NSL1: variants seen among roughly 807,000 people sequenced by gnomAD.
The protein encoded by NSL1 is kinetochore-associated protein NSL1 homolog.
In NSL1, 11 loss-of-function variants were observed where a neutral mutation model predicts 25.4. That is an observed-to-expected ratio of 0.43 (90% CI 0.27 to 0.72). The LOEUF (loss-of-function observed/expected upper bound fraction) is 0.72, where lower values mean the gene tolerates loss of function less well. Ranked by LOEUF, NSL1 falls within the 30% of genes least tolerant of loss-of-function variation. NSL1 has a pLI of 0.19. For synonymous variants in NSL1, 118 were observed against 120.6 expected, an observed-to-expected ratio of 0.98 and a Z score of 0.14; for missense variants, 330 against 342.7, an observed-to-expected ratio of 0.96 and a Z score of 0.29.
chr1:212,774,236 GAGA>G (rs1365851312), intron 4 of NSL1, among the ~76,000 whole-genome samples: 1 of 152,122 alleles, frequency 6.6e-6, no homozygotes, highest in African/African-American at 2.4e-5. Context: ...ATAGCTAGAA[GAGA>G]AGATCTGAAA....
chr1:212,731,243 T>C lies in NSL1; in HGVS notation c.*7165A>G, dbSNP rs1658003889. On this transcript the variant is annotated 3_prime_UTR_variant, in exon 6 of 6. Transcript: ENST00000366977. ...AGAATTATCAGCCAAAAACAGAGAA[T>C]AGTAAGTCTTATCTGAAATATACTG... 3 of 984,086 alleles carry C rather than the reference T, an allele frequency of 3.0e-6. No homozygotes were observed. Among genetic ancestry groups the C allele is most frequent in the South Asian group, 9.4e-5 (2 of 21,238 alleles). The allele number at this position is 984,086 out of a possible 1,614,324, so 61.0% of individuals were successfully genotyped here.
In NSL1 at chr1:212,737,947, A is replaced by C. The variant is rs925714785; in HGVS notation, c.*461T>G. The C allele has an allele frequency of 1.3e-5, 13 of 985,622 alleles. No homozygotes were observed. Among genetic ancestry groups the C allele is most frequent in the African/African-American group, 1.0e-4 (6 of 57,224 alleles). The allele number at this position is 985,622 out of a possible 1,614,324, so 61.1% of individuals were successfully genotyped here. A position where few individuals can be genotyped will look rare whatever the true frequency, so the allele number is the denominator to read the frequency against. ...AATCAAACTACATCTTTAAAAAAAAACCCTGCATCTGCTGCTGTGCAGAAC... is the reference window on the plus strand; with the variant it reads ...AATCAAACTACATCTTTAAAAAAAACCCCTGCATCTGCTGCTGTGCAGAAC... On this transcript the variant is annotated 3_prime_UTR_variant, in exon 6 of 6. Transcript: ENST00000366977.
In NSL1 at chr1:212,734,548, A is replaced by G. The variant is rs9659128; in HGVS notation, c.*3860T>C. On this transcript the variant is annotated 3_prime_UTR_variant, in exon 6 of 6. Coordinates refer to ENST00000366977, the MANE Select transcript of NSL1 (RefSeq NM_015471.4). ...ATGTTTCCCGTGCCATTCCCAGTTAATATCTCCCCTCTCCCCAGAGGGAAC... is the reference window on the plus strand; with the variant it reads ...ATGTTTCCCGTGCCATTCCCAGTTAGTATCTCCCCTCTCCCCAGAGGGAAC... 0.015 allele frequency among the ~76,000 whole-genome samples: 2,264 copies of G among 152,224 alleles called. 59 individuals are homozygous for G. The highest frequency in any genetic ancestry group is 0.052 in the African/African-American group (2,171 of 41,516).
At chr1:212,767,668 G>A (rs2102377855) in intron 4 of NSL1, among the ~76,000 whole-genome samples, 1 of 152,220 alleles carries the variant, frequency 6.6e-6, no homozygotes, top group East Asian at 1.9e-4. Flanking sequence ...CACAAATTAT[G>A]TATCTGACAA....
At chr1:212,791,435 C>G in intron 1 of NSL1, 95 bp downstream of exon 1, 1 of 1,178,002 alleles carries the variant, frequency 8.5e-7, no homozygotes. Context: ...ACCGTTAATT[C>G]TGCCAAGGCC....
intron 1 of NSL1, among the ~76,000 whole-genome samples, chr1:212,790,629 T>C (rs1328696165): frequency 6.6e-6 from 1 of 151,798 alleles, no homozygotes; most frequent in African/African-American, 2.4e-5. Context: ...ACAGTAAAAA[T>C]AAAGGTTAAT....
At position 212,791,584 on chromosome 1, in the gene NSL1, G is replaced by A. The variant is rs1242067814; in HGVS notation, c.180C>T (p.Leu60=). 1.2e-6 allele frequency: 2 copies of A among 1,613,720 alleles called. No homozygotes were observed. The highest frequency in any genetic ancestry group is 1.3e-5 in the African/African-American group (1 of 74,914). ...GAATCTCCTCCGGCAGAGCGTCCCCGAGCTTTTGCACGAAGCGGCCGCACA... is the reference window on the plus strand; with the variant it reads ...GAATCTCCTCCGGCAGAGCGTCCCCAAGCTTTTGCACGAAGCGGCCGCACA... ...LQLCGRFVQK[L]GDALPEEIRE... The change falls in exon 1 of 6, where the codon CTC becomes CTT. Residue 60 remains leucine (L), a synonymous_variant. Transcript: ENST00000366977.
chr1:212,774,058 G>A (rs994250185), intron 4 of NSL1, among the ~76,000 whole-genome samples: 13 of 152,226 alleles, frequency 8.5e-5, no homozygotes, highest in Admixed American at 5.9e-4. Context: ...TGTGCGGAGC[G>A]GGGAAGGGAG....
intron 4 of NSL1, among the ~76,000 whole-genome samples, chr1:212,745,028 C>G (rs1658694946): frequency 1.3e-5 from 2 of 151,890 alleles, no homozygotes; most frequent in Non-Finnish European, 2.9e-5. Context: ...CCCACCTACT[C>G]TGGAGGCTGA....
intron 4 of NSL1, among the ~76,000 whole-genome samples, chr1:212,762,085 G>A (rs142515974): frequency 4.3e-3 from 658 of 151,934 alleles, no homozygotes; most frequent in Middle Eastern, 0.017. Flanking sequence ...ATCACCTGAG[G>A]TCAGGAGTTT....
intron 4 of NSL1, among the ~76,000 whole-genome samples, chr1:212,759,937 C>T (rs78894972): frequency 0.078 from 11,893 of 152,200 alleles, 513 homozygotes; most frequent in African/African-American, 0.12. Flanking sequence ...AAGGCTACTG[C>T]GCACTGGCAT....
intron 4 of NSL1, among the ~76,000 whole-genome samples, chr1:212,779,026 A>G (rs1660531656): frequency 7.2e-6 from 1 of 139,658 alleles, no homozygotes; most frequent in South Asian, 2.3e-4. Flanking sequence ...ATCGTCTGAG[A>G]TGTGGGGAGC....
In NSL1 at chr1:212,739,585, A is replaced by C; in HGVS notation, c.516T>G (p.Asn172Lys). 1 of 1,613,434 alleles carries C rather than the reference A, an allele frequency of 6.2e-7. No individual in the cohort carries two copies. The highest frequency in any genetic ancestry group is 8.5e-7 in the Non-Finnish European group (1 of 1,179,658). Residue 172 changes from asparagine to lysine, a missense_variant, in exon 5 of 6, where the codon AAT becomes AAG. Asn to Lys is a moderately conservative substitution (Grantham distance 94). Transcript: ENST00000366977. ...CTACTGTTTCCCCTCTGCATTTCAA[A>C]TTTTCCATATGAGGGGCTGCAAAAA... ...YDPDPAPHME[N>K]LKCRGETVAK...
rs1395764165 is a variant in NSL1, at chr1:212,734,480, G to A, written c.*3928C>T. On this transcript the variant is annotated 3_prime_UTR_variant, in exon 6 of 6. Transcript: ENST00000366977. ...TTTACATACATATACAGCCATGTGA[G>A]CACCACTCAGATCAAGATACAGAAC... Among the ~76,000 whole-genome samples the A allele has an allele frequency of 6.6e-6, 1 of 152,136 alleles. No homozygotes were observed. The highest frequency in any genetic ancestry group is 1.5e-5 in the Non-Finnish European group (1 of 68,034).
At chr1:212,766,272 A>G in intron 4 of NSL1, 1 of 625,090 alleles carries the variant, frequency 1.6e-6, no homozygotes, top group Non-Finnish European at 2.9e-6. Context: ...TCCCGTTGAG[A>G]ACTGGAACAA....
In NSL1 at chr1:212,727,196, G is replaced by A. The variant is rs576804713; in HGVS notation, c.*11212C>T. On this transcript the variant is annotated 3_prime_UTR_variant, in exon 6 of 6. Coordinates refer to ENST00000366977, the MANE Select transcript of NSL1 (RefSeq NM_015471.4). The stretch of plus-strand genomic sequence containing the variant: ...GCTTGGCTCCTAATGTGTTAAATGG[G>A]GGTGAATGGAATTTAGAAGATCTCT... 54 of 1,535,784 alleles carry A rather than the reference G, an allele frequency of 3.5e-5. No individual in the cohort carries two copies. In the Middle Eastern group the frequency reaches 6.9e-4, roughly 20 times the overall value.
At position 212,737,654 on chromosome 1, in the gene NSL1, T is replaced by C; in HGVS notation, c.*754A>G. On this transcript the variant is annotated 3_prime_UTR_variant, in exon 6 of 6. Coordinates refer to ENST00000366977, the MANE Select transcript of NSL1 (RefSeq NM_015471.4). ...ATCTGATATATATTTTGAACTGGAA[T>C]GATTTGTAAAGAAATAAATAAGAAA... 1.1e-6 allele frequency: 1 copy of C among 951,756 alleles called. No homozygotes were observed. The highest frequency in any genetic ancestry group is 1.2e-4 in the East Asian group (1 of 8,680). The allele number at this position is 951,756 out of a possible 1,614,324, so 59.0% of individuals were successfully genotyped here. A position where few individuals can be genotyped will look rare whatever the true frequency, so the allele number is the denominator to read the frequency against.
intron 4 of NSL1, among the ~76,000 whole-genome samples, chr1:212,781,589 G>A (rs192739556): frequency 6.6e-6 from 1 of 152,182 alleles, no homozygotes; most frequent in Admixed American, 6.5e-5. Context: ...GGAAGGTGGA[G>A]GAACATATTA....
In NSL1 at chr1:212,791,596, G is replaced by A. The variant is rs776037762; in HGVS notation, c.168C>T (p.Phe56=). 30 of 1,613,872 alleles carry A rather than the reference G, an allele frequency of 1.9e-5. No homozygotes were observed. In the Admixed American group the frequency reaches 2.0e-4, roughly 11 times the overall value. The change falls in exon 1 of 6, where the codon TTC becomes TTT. Residue 56 remains phenylalanine (F), a synonymous_variant. Coordinates refer to ENST00000366977, the MANE Select transcript of NSL1 (RefSeq NM_015471.4). ...VTEMLQLCGR[F]VQKLGDALPE... ...GCAGAGCGTCCCCGAGCTTTTGCAC[G>A]AAGCGGCCGCACAGTTGTAGCATTT...
Sources: gnomAD v4.1 joint callset for allele counts (sites outside exome capture counted in the v4.1 genomes callset) on GRCh38, gnomAD v4.1.1 for gene constraint, MANE v1.5 for transcripts, NCBI Gene and HGNC (gene_info 2026-07-23, HGNC 2026-07-21) for gene names.